Variants in RAPGEF4 observed in about 807,000 individuals in gnomAD.
RAPGEF4 encodes Rap guanine nucleotide exchange factor 4.
RAPGEF4 carries 66 observed loss-of-function variants against 147.9 expected under a neutral mutation model. The ratio of observed to expected loss-of-function variants is 0.45; its 90% confidence interval spans 0.37 to 0.55. The LOEUF is 0.55. Among genes scored for constraint, RAPGEF4 ranks in the 20% least tolerant of loss-of-function variants. The probability of loss-of-function intolerance (pLI) is 0.00; values close to 1 mark genes in which losing one functional copy is unlikely to be tolerated. For synonymous variants in RAPGEF4, 419 were observed against 442.7 expected (o/e 0.95, Z 0.67); for missense variants, 1,071 against 1,257.3 (o/e 0.85, Z 2.24).
At chr2:172,827,619 A>G (rs1211405192) in intron 4 of RAPGEF4, among the ~76,000 whole-genome samples, 2 of 152,214 alleles carry the variant, frequency 1.3e-5, no homozygotes, top group South Asian at 4.1e-4. Context: ...ACATAGTGAC[A>G]GTCCTGGCCT....
chr2:172,907,729 C>A (rs927068544), intron 4 of RAPGEF4, among the ~76,000 whole-genome samples: 8 of 152,158 alleles, frequency 5.3e-5, no homozygotes, highest in Non-Finnish European at 1.0e-4. Flanking sequence ...AGAAAATATT[C>A]TTTCTCAAAG....
chr2:172,861,115 C>T (rs1018009553), intron 4 of RAPGEF4, among the ~76,000 whole-genome samples: 1 of 152,050 alleles, frequency 6.6e-6, no homozygotes, highest in East Asian at 1.9e-4. Context: ...CTACATTTCC[C>T]GTTAGAACAG....
At chr2:173,025,485 C>T (rs1243319989) in intron 23 of RAPGEF4, among the ~76,000 whole-genome samples, 2 of 152,150 alleles carry the variant, frequency 1.3e-5, no homozygotes, top group African/African-American at 4.8e-5. Context: ...TTCTGTCGCC[C>T]AGGCTGGGGT....
At chr2:172,759,636 T>G (rs1696106364) in intron 1 of RAPGEF4, among the ~76,000 whole-genome samples, 1 of 152,218 alleles carries the variant, frequency 6.6e-6, no homozygotes, top group African/African-American at 2.4e-5. Flanking sequence ...GTTCATTGGT[T>G]GCCATGTCCC....
At chr2:172,736,661 T>G (rs1424477612) in intron 1 of RAPGEF4, among the ~76,000 whole-genome samples, 1 of 152,156 alleles carries the variant, frequency 6.6e-6, no homozygotes, top group Admixed American at 6.5e-5. Flanking sequence ...TAAAAATAAT[T>G]AAAACCATAA....
At chr2:172,911,494 C>T (rs772236723) in intron 4 of RAPGEF4, among the ~76,000 whole-genome samples, 6 of 152,060 alleles carry the variant, frequency 3.9e-5, no homozygotes, top group Non-Finnish European at 8.8e-5. Context: ...AGTCTCACTC[C>T]GTCACCTAGT....
At chr2:172,776,594 T>C (rs1271234815) in intron 1 of RAPGEF4, among the ~76,000 whole-genome samples, 1 of 152,210 alleles carries the variant, frequency 6.6e-6, no homozygotes, top group Non-Finnish European at 1.5e-5. Flanking sequence ...TCCGAGGCTA[T>C]TGAGTCTCTA....
chr2:172,793,743 C>A (rs753058915), intron 1 of RAPGEF4, among the ~76,000 whole-genome samples: 3 of 152,140 alleles, frequency 2.0e-5, no homozygotes, highest in Non-Finnish European at 4.4e-5. Flanking sequence ...TTGTTTGGTT[C>A]TTTGATTTAT....
At chr2:173,036,322 T>C in intron 28 of RAPGEF4, 110 bp downstream of exon 28, 1 of 888,778 alleles carries the variant, frequency 1.1e-6, no homozygotes, top group Admixed American at 2.1e-5. Context: ...GATCCCATCC[T>C]TCTGCCTTCT....
intron 4 of RAPGEF4, among the ~76,000 whole-genome samples, chr2:172,834,764 G>C (rs1047408644): frequency 3.9e-5 from 6 of 152,264 alleles, no homozygotes; most frequent in South Asian, 2.1e-4. Flanking sequence ...CTCTACAAAA[G>C]ATTGGGTTTC....
At chr2:172,895,025 A>C (rs935713128) in intron 4 of RAPGEF4, among the ~76,000 whole-genome samples, 3 of 152,040 alleles carry the variant, frequency 2.0e-5, no homozygotes, top group African/African-American at 7.2e-5. Context: ...TTTTCTTTAG[A>C]GAGCTCTCTA....
chr2:172,896,525 T>C (rs1698491267), intron 4 of RAPGEF4, among the ~76,000 whole-genome samples: 1 of 152,124 alleles, frequency 6.6e-6, no homozygotes, highest in Non-Finnish European at 1.5e-5. Flanking sequence ...AATCTTAGGA[T>C]TGTGACAAAG....
chr2:172,797,003 A>G (rs1426492355), intron 2 of RAPGEF4, among the ~76,000 whole-genome samples: 2 of 152,236 alleles, frequency 1.3e-5, no homozygotes, highest in Non-Finnish European at 2.9e-5. Flanking sequence ...AACTTAGAGC[A>G]AGATCAGGTT....
At chr2:172,870,963 G>A (rs911955313) in intron 4 of RAPGEF4, among the ~76,000 whole-genome samples, 2 of 152,056 alleles carry the variant, frequency 1.3e-5, no homozygotes, top group Admixed American at 6.6e-5. Flanking sequence ...TATAAAACTT[G>A]TATATTTATT....
intron 1 of RAPGEF4, among the ~76,000 whole-genome samples, chr2:172,773,644 G>GCC (rs145739180): frequency 1.7e-4 from 20 of 115,596 alleles, no homozygotes; most frequent in African/African-American, 5.1e-4. Context: ...GCCCCACACT[G>GCC]CCCCCCCCGC....
chr2:172,800,603 A>G (rs1389096055), intron 3 of RAPGEF4, among the ~76,000 whole-genome samples: 1 of 152,110 alleles, frequency 6.6e-6, no homozygotes, highest in Non-Finnish European at 1.5e-5. Flanking sequence ...GTTTTTAGGA[A>G]CTGGCTCACA....
chr2:172,967,374 C>T lies in RAPGEF4; in HGVS notation c.934C>T (p.Leu312Phe). 6.2e-7 allele frequency: 1 copy of T among 1,612,022 alleles called. No homozygotes were observed. Among genetic ancestry groups the T allele is most frequent in the South Asian group, 1.1e-5 (1 of 90,952 alleles). The change falls in exon 10 of 31, where the codon CTC becomes TTC. Residue 312 changes from leucine to phenylalanine, a missense_variant. Transcript: ENST00000397081. ...EEEKKECDEE[L>F]QDTMLLLSQM... ...GGAGAAGAAGGAGTGTGATGAGGAG[C>T]TCCAGGACACCATGCTGCTGCTGTC...
chr2:172,873,283 C>T (rs1695464890), intron 4 of RAPGEF4, among the ~76,000 whole-genome samples: 1 of 152,178 alleles, frequency 6.6e-6, no homozygotes, highest in African/African-American at 2.4e-5. Flanking sequence ...TCATGTTTCT[C>T]AGGGAACCTT....
chr2:172,917,016 G>A (rs1684145740), intron 4 of RAPGEF4, among the ~76,000 whole-genome samples: 1 of 152,200 alleles, frequency 6.6e-6, no homozygotes, highest in African/African-American at 2.4e-5. Context: ...GACCTGAGAA[G>A]AGAGGGTGGC....
Sources: gnomAD v4.1 joint callset for allele counts (sites outside exome capture counted in the v4.1 genomes callset) on GRCh38, gnomAD v4.1.1 for gene constraint, MANE v1.5 for transcripts, NCBI Gene and HGNC (gene_info 2026-07-23, HGNC 2026-07-21) for gene names.